Variants in RPS7 observed in about 807,000 individuals in gnomAD.
RPS7 encodes the protein small ribosomal subunit protein eS7.
Under a neutral mutation model 22.1 loss-of-function variants are expected in RPS7, and 1 was observed. The ratio of observed to expected loss-of-function variants is 0.05; its 90% CI spans 0.02 to 0.21. RPS7 has a LOEUF of 0.21. RPS7 is among the 10% of genes least tolerant of loss of function. RPS7 has a pLI of 1.00. For synonymous variants in RPS7, 80 were observed against 92.0 expected, an observed-to-expected ratio of 0.87 and a Z score of 0.74; for missense variants, 137 against 246.4, an observed-to-expected ratio of 0.56 and a Z score of 2.97.
rs973883568 is a variant in RPS7, at chr2:3,575,835, A to G, written c.94A>G (p.Met32Val). 3 of 1,612,144 alleles carry G rather than the reference A, an allele frequency of 1.9e-6. No homozygotes were observed. Among genetic ancestry groups the G allele is most frequent in the East Asian group, 4.5e-5 (2 of 44,848 alleles). ...TTCTTAGGCTCTTCTGGAGCTGGAG[A>G]TGAACTCGGACCTCAAGGCTCAGCT... ...GISQALLELE[M>V]NSDLKAQLRE... The change falls in exon 3 of 7, where the codon ATG becomes GTG. Residue 32 changes from methionine (M) to valine (V), a missense_variant. Transcript: ENST00000645674.
chr2:3,576,465 G>A (rs1558472374), intron 3 of RPS7, 22 bp from the exon 4 acceptor site: 2 of 1,610,842 alleles, frequency 1.2e-6, no homozygotes, highest in East Asian at 2.2e-5. Context: ...TTAACACAGT[G>A]GATTTTTGTT....
chr2:3,576,394 G>C, intron 3 of RPS7, 93 bp from the exon 4 acceptor site: 1 of 1,052,140 alleles, frequency 9.5e-7, no homozygotes, highest in Non-Finnish European at 1.5e-6. Context: ...TGCAGCTACG[G>C]TGTTAGTGAT....
At chr2:3,580,526 T>G (rs965348705) in intron 6 of RPS7, 29 of 628,624 alleles carry the variant, frequency 4.6e-5, no homozygotes, top group African/African-American at 4.4e-4. Context: ...TCTTGGTGAG[T>G]TAGGGGTGGG....
intron 5 of RPS7, 21 bp from the exon 6 acceptor site, chr2:3,580,089 C>T: frequency 1.9e-6 from 3 of 1,613,534 alleles, no homozygotes; most frequent in Non-Finnish European, 2.5e-6. Flanking sequence ...AGGTTGCTTA[C>T]CTTTTAAACT....
In RPS7 at chr2:3,576,603, T is replaced by C. The variant is rs1244488439; in HGVS notation, c.264T>C (p.Ser88=). Residue 88 remains serine, a synonymous_variant, in exon 4 of 7, where the codon AGT becomes AGC. Coordinates refer to ENST00000645674, the MANE Select transcript of RPS7 (RefSeq NM_001011.4). ...TACGCGAATTGGAGAAAAAGTTCAGTGGGAAGCATGTCGTCTTTATCGCTC... is the reference window on the plus strand; with the variant it reads ...TACGCGAATTGGAGAAAAAGTTCAGCGGGAAGCATGTCGTCTTTATCGCTC... ...RLVRELEKKF[S]GKHVVFIAQR... The C allele has an allele frequency of 5.6e-6, 9 of 1,614,072 alleles. No individual in the cohort carries two copies. The highest frequency in any genetic ancestry group is 7.6e-6 in the Non-Finnish European group (9 of 1,180,028).
chr2:3,579,768 T>G (rs1661358853), intron 5 of RPS7: 1 of 384,004 alleles, frequency 2.6e-6, no homozygotes, highest in Non-Finnish European at 4.9e-6. Context: ...GTGATTTAGT[T>G]GAGAAATAAT....
At chr2:3,576,969 G>C (rs1661294218) in intron 4 of RPS7, 2 of 334,562 alleles carry the variant, frequency 6.0e-6, no homozygotes, top group African/African-American at 2.1e-5. Context: ...TGTGTTTTGA[G>C]TTATGAAAAT....
At chr2:3,575,956 T>C (rs1572358043) in intron 3 of RPS7, 68 bp downstream of exon 3, 1 of 1,127,304 alleles carries the variant, frequency 8.9e-7, no homozygotes, top group Non-Finnish European at 1.3e-6. Flanking sequence ...CCTGAGAGGG[T>C]TGGACCTGGG....
Position 3,575,274 on chromosome 2 carries a change from G to T in RPS7, c.-95G>T. The T allele has an allele frequency of 2.5e-6, 1 of 397,814 alleles. No individual in the cohort carries two copies. Among genetic ancestry groups the T allele is most frequent in the Non-Finnish European group, 4.6e-6 (1 of 218,590 alleles). 24.6% of individuals were successfully genotyped at this position (397,814 alleles called of 1,614,324 possible). ...CCGCCCTCCTCCTCGCGCTGTTTCC[G>T]CCTCTTGCCTTCGGACGCCGGATTT... On this transcript the variant is annotated 5_prime_UTR_variant, in exon 1 of 7. Transcript: ENST00000645674.
At position 3,577,729 on chromosome 2, in the gene RPS7, C is replaced by G. The variant is rs1405342101; in HGVS notation, c.311C>G (p.Pro104Arg). 3.1e-6 allele frequency: 5 copies of G among 1,612,532 alleles called. No individual in the cohort carries two copies. The highest frequency in any genetic ancestry group is 4.2e-6 in the Non-Finnish European group (5 of 1,178,882). ...TTACAGAGGAGAATTCTGCCTAAGC[C>G]AACTCGAAAAAGCCGTACAAAAAAT... Reference protein sequence around the residue: ...FIAQRRILPKPTRKSRTKNKQ... With the variant: ...FIAQRRILPKRTRKSRTKNKQ... The change falls in exon 5 of 7, where the codon CCA becomes CGA. Residue 104 changes from proline to arginine, a missense_variant. Transcript: ENST00000645674.
intron 6 of RPS7, 56 bp downstream of exon 6, chr2:3,580,316 A>T (rs910857289): frequency 6.7e-7 from 1 of 1,499,482 alleles, no homozygotes. Context: ...AGTGGATTTT[A>T]GTGTAACCAG....
chr2:3,576,463 G>A (rs1661282538), intron 3 of RPS7, 24 bp from the exon 4 acceptor site: 1 of 1,610,356 alleles, frequency 6.2e-7, no homozygotes. Flanking sequence ...AGTTAACACA[G>A]TGGATTTTTG....
chr2:3,580,445 T>C, intron 6 of RPS7, 185 bp downstream of exon 6: 1 of 698,022 alleles, frequency 1.4e-6, no homozygotes, highest in Non-Finnish European at 2.6e-6. Context: ...GTTTCAAGAA[T>C]TGAACACTTG....
Position 3,577,788 on chromosome 2 carries a change from T to G in RPS7, c.356+14T>G, listed in dbSNP as rs1234856201. On this transcript the variant is annotated intron_variant, in intron 5 of 6. Coordinates refer to ENST00000645674, the MANE Select transcript of RPS7 (RefSeq NM_001011.4). ...GCGTCCCAGGAGGTGAGTATTTTAGTAGTTTCAGAAATGTGTGTACCCCTC... is the reference window on the plus strand; with the variant it reads ...GCGTCCCAGGAGGTGAGTATTTTAGGAGTTTCAGAAATGTGTGTACCCCTC... The G allele has an allele frequency of 6.3e-7, 1 of 1,579,838 alleles. No homozygotes were observed.
chr2:3,576,733 A>G (rs1374888690), intron 4 of RPS7, 103 bp downstream of exon 4: 1 of 1,325,354 alleles, frequency 7.5e-7, no homozygotes, highest in African/African-American at 1.4e-5. Flanking sequence ...CAATCCTTTT[A>G]TGAATCCAAT....
intron 3 of RPS7, chr2:3,576,234 C>T (rs972137079): frequency 2.2e-5 from 13 of 597,806 alleles, no homozygotes; most frequent in African/African-American, 5.6e-5. Context: ...CCGGAGTTGC[C>T]GCAAGTGGGG....
chr2:3,579,798 T>C, intron 5 of RPS7: 1 of 463,010 alleles, frequency 2.2e-6, no homozygotes, highest in Admixed American at 3.5e-5. Context: ...AATAAAGATG[T>C]ATAAAAGTCC....
intron 5 of RPS7, 166 bp from the exon 6 acceptor site, chr2:3,579,944 C>T (rs1661362962): frequency 1.4e-6 from 1 of 712,624 alleles, no homozygotes; most frequent in Non-Finnish European, 2.5e-6. Flanking sequence ...TAGGCAAAGG[C>T]TTTAGTTTGG....
At chr2:3,575,541 C>A in intron 1 of RPS7, 51 bp from the exon 2 acceptor site, 3 of 1,368,134 alleles carry the variant, frequency 2.2e-6, no homozygotes, top group South Asian at 2.3e-5. Context: ...GGAGGGCGAG[C>A]CAGCGGCGCC....
Sources: allele counts gnomAD v4.1 joint callset, GRCh38; gene constraint gnomAD v4.1.1; transcripts MANE v1.5; gene names NCBI Gene and HGNC (gene_info 2026-07-23, HGNC 2026-07-21).